The following MMUT variants were observed in gnomAD, a reference collection of about 807,000 sequenced individuals.
MMUT encodes the protein methylmalonyl-CoA mutase, mitochondrial.
MMUT carries 79 observed loss-of-function variants against 79.9 expected under a neutral mutation model. That is an observed-to-expected ratio of 0.99 (90% CI 0.82 to 1.19). The LOEUF is 1.19. Ranked by LOEUF, MMUT falls within the 50% of genes most tolerant of loss-of-function variation. The pLI, the probability that MMUT is intolerant of heterozygous loss-of-function variation, is 0.00. For missense variants in MMUT, 860 were observed against 917.2 expected, an observed-to-expected ratio of 0.94 and a Z score of 0.81; for synonymous variants, 273 against 295.7, an observed-to-expected ratio of 0.92 and a Z score of 0.79.
At chr6:49,445,320 C>A (rs1363714828) in intron 8 of MMUT, among the ~76,000 whole-genome samples, 2 of 152,124 alleles carry the variant, frequency 1.3e-5, no homozygotes, top group Non-Finnish European at 2.9e-5. Context: ...TGGGTCCTAA[C>A]TCTGCTCTGC....
chr6:49,457,164 G>A (rs1306157360), intron 3 of MMUT, among the ~76,000 whole-genome samples: 4 of 152,204 alleles, frequency 2.6e-5, no homozygotes, highest in Non-Finnish European at 4.4e-5. Flanking sequence ...ATAATGGGGG[G>A]AAATATAAAC....
chr6:49,452,089 T>C (rs1277958481), intron 5 of MMUT, among the ~76,000 whole-genome samples: 2 of 152,182 alleles, frequency 1.3e-5, no homozygotes, highest in Non-Finnish European at 2.9e-5. Flanking sequence ...ACCACAATGA[T>C]GTGTACAAAA....
chr6:49,431,826 A>C lies in MMUT; in HGVS notation c.2155T>G (p.Ser719Ala), dbSNP rs1432037082. Residue 719 changes from serine to alanine, a missense_variant, in exon 13 of 13, where the codon TCC (serine) becomes GCC (alanine). By Grantham distance (99) the Ser-to-Ala change is moderately conservative. Coordinates refer to ENST00000274813, the MANE Select transcript of MMUT (RefSeq NM_000255.4). ...DYEFLFEVGV[S>A]NVFGPGTRIP... ...CGAGTCCCAGGACCAAATACATTGG[A>C]AACACCAACTTCAAACAGAAATTCA... The C allele has an allele frequency of 6.2e-7, 1 of 1,613,842 alleles. No individual in the cohort carries two copies. Among genetic ancestry groups the C allele is most frequent in the African/African-American group, 1.3e-5 (1 of 75,044 alleles).
At position 49,448,904 on chromosome 6, in the gene MMUT, C is replaced by A. The variant is rs1428178194; in HGVS notation, c.1356G>T (p.Met452Ile). 1.2e-6 allele frequency: 2 copies of A among 1,612,958 alleles called. No homozygotes were observed. Among genetic ancestry groups the A allele is most frequent in the Admixed American group, 3.3e-5 (2 of 59,972 alleles). The change falls in exon 7 of 13, where the codon ATG becomes ATT. Residue 452 changes from methionine (M) to isoleucine (I), a missense_variant. Met to Ile is a conservative substitution (Grantham distance 10). Transcript: ENST00000274813. ...ALKLINEIEE[M>I]GGMAKAVAEG... ...CAGCTACAGCTTTGGCCATTCCACC[C>A]ATTTCTTCAATTTCATTAATGAGCT...
At chr6:49,435,704 A>G (rs1767105472) in intron 11 of MMUT, 81 bp from the exon 12 acceptor site, 7 of 1,439,928 alleles carry the variant, frequency 4.9e-6, no homozygotes, top group Non-Finnish European at 5.7e-6. Flanking sequence ...AATCTAGGCA[A>G]TACCATTCAG....
intron 1 of MMUT, among the ~76,000 whole-genome samples, chr6:49,462,365 G>C (rs1217047695): frequency 6.6e-6 from 1 of 152,162 alleles, no homozygotes; most frequent in African/African-American, 2.4e-5. Flanking sequence ...ACTTCAAGAA[G>C]GTACTTTGAT....
At chr6:49,460,828 T>C (rs1219307638) in intron 1 of MMUT, among the ~76,000 whole-genome samples, 2 of 152,224 alleles carry the variant, frequency 1.3e-5, no homozygotes, top group African/African-American at 2.4e-5. Flanking sequence ...TCAACACTTA[T>C]TATGGGGTCG....
At chr6:49,448,991 T>C in intron 6 of MMUT, 64 bp from the exon 7 acceptor site, 1 of 1,048,046 alleles carries the variant, frequency 9.5e-7, no homozygotes, top group Non-Finnish European at 1.5e-6. Flanking sequence ...ACTATATAAA[T>C]TTGTTATGAG....
chr6:49,450,167 G>A (rs1256526406), intron 6 of MMUT, among the ~76,000 whole-genome samples: 1 of 150,186 alleles, frequency 6.7e-6, no homozygotes, highest in East Asian at 2.0e-4. Context: ...GGAGTCAAAA[G>A]TTGCAGTAAG....
chr6:49,462,654 T>G (rs1277350172), intron 1 of MMUT, among the ~76,000 whole-genome samples: 4 of 152,226 alleles, frequency 2.6e-5, no homozygotes, highest in Non-Finnish European at 5.9e-5. Flanking sequence ...CTCTTAATCC[T>G]GTTTACACAC....
At chr6:49,456,486 A>G (rs184694990) in intron 3 of MMUT, among the ~76,000 whole-genome samples, 110 of 152,308 alleles carry the variant, frequency 7.2e-4, no homozygotes, top group Middle Eastern at 3.4e-3. Flanking sequence ...AAGAATTTAT[A>G]CTAACCATTC....
intron 6 of MMUT, among the ~76,000 whole-genome samples, chr6:49,450,971 G>A (rs1338752935): frequency 6.6e-6 from 1 of 152,128 alleles, no homozygotes; most frequent in Non-Finnish European, 1.5e-5. Flanking sequence ...TAGTAAGGGA[G>A]GAGGAAAAGT....
At position 49,459,506 on chromosome 6, in the gene MMUT, C is replaced by T. The variant is rs879253822; in HGVS notation, c.-39-1G>A. The T allele has an allele frequency of 3.1e-6, 5 of 1,597,424 alleles. No homozygotes were observed. Among genetic ancestry groups the T allele is most frequent in the Non-Finnish European group, 4.2e-6 (5 of 1,177,420 alleles). ...ACACCCAATAGAAATAAGAACTGACCTAGAAAAAGAAACATAGAGTAAAAA... is the reference window on the plus strand; with the variant it reads ...ACACCCAATAGAAATAAGAACTGACTTAGAAAAAGAAACATAGAGTAAAAA... On this transcript the variant is annotated splice_acceptor_variant, in intron 1 of 12. Transcript: ENST00000274813. LOFTEE classifies it low-confidence loss of function (5UTR_SPLICE).
chr6:49,454,441 G>A (rs1767636468), intron 4 of MMUT, among the ~76,000 whole-genome samples: 1 of 152,074 alleles, frequency 6.6e-6, no homozygotes, highest in African/African-American at 2.4e-5. Context: ...CCAAGTAGCT[G>A]GAATTACAGA....
chr6:49,448,973 G>T, intron 6 of MMUT, 46 bp from the exon 7 acceptor site: 1 of 1,238,114 alleles, frequency 8.1e-7, no homozygotes, highest in Non-Finnish European at 1.2e-6. Flanking sequence ...TATTAAAAAT[G>T]TGTGTAAACT....
chr6:49,459,396 C>A lies in MMUT; in HGVS notation c.71G>T (p.Gly24Val). 6.2e-7 allele frequency: 1 copy of A among 1,613,342 alleles called. No individual in the cohort carries two copies. The highest frequency in any genetic ancestry group is 1.7e-4 in the Middle Eastern group (1 of 6,032). The part of the protein sequence containing the change: ...HYLRQVKESS[G>V]SRLIQQRLLH... ...AAGTCGTTGCTGTATGAGCCTGGAG[C>A]CTGATGATTCTTTTACCTGCCTCAG... The change falls in exon 2 of 13, where the codon GGC (glycine) becomes GTC (valine). Residue 24 changes from glycine to valine, a missense_variant. By Grantham distance (109) the Gly-to-Val change is moderately radical. Coordinates refer to ENST00000274813, the MANE Select transcript of MMUT (RefSeq NM_000255.4).
intron 12 of MMUT, among the ~76,000 whole-genome samples, chr6:49,432,513 A>G (rs1767006246): frequency 6.6e-6 from 1 of 151,988 alleles, no homozygotes; most frequent in Admixed American, 6.5e-5. Context: ...TCAGCCTTCC[A>G]AGTAGCTGTG....
At chr6:49,440,488 G>GTT in intron 10 of MMUT, 135 bp from the exon 11 acceptor site, 38 of 849,750 alleles carry the variant, frequency 4.5e-5, no homozygotes, top group East Asian at 6.1e-5. Flanking sequence ...ATTTTGGGTT[G>GTT]TTTTTTTTTT....
chr6:49,455,596 T>C (rs1188165871), intron 4 of MMUT, among the ~76,000 whole-genome samples: 1 of 152,228 alleles, frequency 6.6e-6, no homozygotes, highest in Admixed American at 6.5e-5. Flanking sequence ...ACTTTCGACT[T>C]CCAAATTTAA....
Sources: allele counts gnomAD v4.1 joint callset (sites outside exome capture counted in the v4.1 genomes callset), GRCh38; gene constraint gnomAD v4.1.1; transcripts MANE v1.5; gene names NCBI Gene and HGNC (gene_info 2026-07-23, HGNC 2026-07-21).